MCM3: variants seen among roughly 807,000 people sequenced by gnomAD.
MCM3 encodes the protein minichromosome maintenance complex component 3, also known as DNA replication licensing factor MCM3.
In MCM3, 59 loss-of-function variants were observed where a neutral mutation model predicts 91.3. The ratio of observed to expected loss-of-function variants is 0.65; its 90% confidence interval spans 0.52 to 0.80. The LOEUF is 0.80. Among genes scored for constraint, MCM3 ranks in the 30% least tolerant of loss-of-function variants. The probability of loss-of-function intolerance (pLI) is 0.00; values close to 1 mark genes in which losing one functional copy is unlikely to be tolerated. For synonymous variants in MCM3, 383 were observed against 379.6 expected (o/e 1.01, Z -0.10); for missense variants, 919 against 1,035.4 (o/e 0.89, Z 1.54).
chr6:52,266,546 G>C (rs1764656133), intron 15 of MCM3, 65 bp downstream of exon 15: 1 of 1,421,534 alleles, frequency 7.0e-7, no homozygotes, highest in East Asian at 2.3e-5. Flanking sequence ...AAAGTGCACA[G>C]AGCAACTGGA....
intron 10 of MCM3, 91 bp downstream of exon 10, chr6:52,273,651 A>C (rs1056271459): frequency 2.2e-6 from 3 of 1,365,978 alleles, no homozygotes; most frequent in Non-Finnish European, 3.0e-6. Context: ...CCGGACACTG[A>C]AACACCTACC....
chr6:52,273,701 C>A (rs372207774), intron 10 of MCM3, 41 bp downstream of exon 10: 5 of 1,567,294 alleles, frequency 3.2e-6, no homozygotes, highest in Non-Finnish European at 4.3e-6. Context: ...ATCTGTTTAG[C>A]GCCTTTCCAT....
At position 52,273,333 on chromosome 6, in the gene MCM3, C is replaced by CCACAGCACTACCCAAGGG; in HGVS notation, c.1555_1572dup (p.Pro519_Val524dup). ...TTGGGATCATCTGTGGCCAGGATAT[C>CCACAGCACTACCCAAGGG]CACAGCACTACCCAAGGGCATAGCT... On this transcript the variant is annotated inframe_insertion, in exon 11 of 17. Transcript: ENST00000596288. 1 of 1,614,148 alleles carries CCACAGCACTACCCAAGGG rather than the reference C, an allele frequency of 6.2e-7. No individual in the cohort carries two copies. Among genetic ancestry groups the CCACAGCACTACCCAAGGG allele is most frequent in the Non-Finnish European group, 8.5e-7 (1 of 1,180,030 alleles).
rs754792608 is a variant in MCM3 at position 52,278,830 on chromosome 6, T to G, written c.791A>C (p.Asn264Thr). The stretch of plus-strand genomic sequence containing the variant: ...AGCATCCTTGCTCATCTGCTTAACA[T>G]TACAGGCAATCAGGACAGTCCTGGG... ...GTFRTVLIAC[N>T]VKQMSKDAQP... Residue 264 changes from asparagine (N) to threonine (T), a missense_variant, in exon 6 of 17, where the codon AAT (asparagine) becomes ACT (threonine). Physicochemically the swap from Asn to Thr is moderately conservative, Grantham distance 65 (BLOSUM62 0). Transcript: ENST00000596288. 6.2e-7 allele frequency: 1 copy of G among 1,613,230 alleles called. No individual in the cohort carries two copies. The highest frequency in any genetic ancestry group is 8.5e-7 in the Non-Finnish European group (1 of 1,179,296).
Position 52,284,740 on chromosome 6 carries a change from C to G in MCM3, c.-66G>C. On this transcript the variant is annotated 5_prime_UTR_variant, in exon 1 of 17. Transcript: ENST00000596288. The stretch of plus-strand genomic sequence containing the variant: ...GGTTCCCAGGATGACTCCACCCCGG[C>G]GCGAAAACTTCCGAACTCTTCCCGC... 2.6e-6 allele frequency: 4 copies of G among 1,550,178 alleles called. No homozygotes were observed. Among genetic ancestry groups the G allele is most frequent in the Non-Finnish European group, 3.5e-6 (4 of 1,149,436 alleles).
chr6:52,274,042 G>C, intron 9 of MCM3, 126 bp from the exon 10 acceptor site: 1 of 668,022 alleles, frequency 1.5e-6, no homozygotes, highest in East Asian at 2.7e-5. Context: ...ACAAAAAGCA[G>C]TGAAAAAGGG....
At position 52,282,864 on chromosome 6, in the gene MCM3, G is replaced by A. The variant is rs1467483256; in HGVS notation, c.192-3C>T. On this transcript the variant is annotated splice_polypyrimidine_tract_variant and splice_region_variant and intron_variant, in intron 2 of 16. Coordinates refer to ENST00000596288, the MANE Select transcript of MCM3 (RefSeq NM_002388.6). ...CCTCAAAGGCATTGTTCAGAAGCCT[G>A]TACATAAGCAAGAGAAAGAAAAATT... 3 of 1,612,508 alleles carry A rather than the reference G, an allele frequency of 1.9e-6. No homozygotes were observed. The African/African-American group carries it at 4.0e-5, about 22-fold the overall frequency.
intron 12 of MCM3, among the ~76,000 whole-genome samples, chr6:52,270,924 G>T (rs17240098): frequency 0.041 from 6,243 of 152,216 alleles, 202 homozygotes; most frequent in Middle Eastern, 0.11. Context: ...GTCACTGGGG[G>T]TATTAAGAAG....
Position 52,266,082 on chromosome 6 carries a change from C to T in MCM3, c.2221G>A (p.Glu741Lys). ...AGCAACATCCGTACTCACCTGGATT[C>T]ACTCAACTCCACTTTCTGGGATTCC... ...TKESQKVELSESRLKAFKVAL... is the reference protein window; with the variant it reads ...TKESQKVELSKSRLKAFKVAL... Residue 741 changes from glutamate to lysine, a missense_variant, in exon 16 of 17, where the codon GAA (glutamate) becomes AAA (lysine). Around this residue, in one of 3 missense-constraint regions of MCM3, gnomAD observed 285 missense variants for 311.4 expected, o/e 0.92. Coordinates refer to ENST00000596288, the MANE Select transcript of MCM3 (RefSeq NM_002388.6). 1.9e-6 allele frequency: 3 copies of T among 1,613,946 alleles called. No homozygotes were observed. Among genetic ancestry groups the T allele is most frequent in the Non-Finnish European group, 2.5e-6 (3 of 1,179,806 alleles).
Position 52,264,867 on chromosome 6 carries a change from T to C in MCM3, c.2229-81A>G, listed in dbSNP as rs1443122456. The C allele has an allele frequency of 4.1e-6, 5 of 1,224,082 alleles. No individual in the cohort carries two copies. The Admixed American group carries it at 5.1e-5, about 13-fold the overall frequency. The allele number at this position is 1,224,082 out of a possible 1,614,324, so 75.8% of individuals were successfully genotyped here. A position where few individuals can be genotyped will look rare whatever the true frequency, so the allele number is the denominator to read the frequency against. ...GAAACAGCTATACTAGGAAAATCCA[T>C]AGTATTAATACAGTAGAGGCGTCCC... On this transcript the variant is annotated intron_variant, in intron 16 of 16. Coordinates refer to ENST00000596288, the MANE Select transcript of MCM3 (RefSeq NM_002388.6).
intron 16 of MCM3, among the ~76,000 whole-genome samples, chr6:52,265,674 A>G (rs992588731): frequency 1.3e-5 from 2 of 152,190 alleles, no homozygotes; most frequent in African/African-American, 2.4e-5. Context: ...AACAAAATTC[A>G]TAGATAAAAA....
rs1309529395 is a variant in MCM3 at position 52,264,054 on chromosome 6, A to C, written c.*534T>G. 1.3e-5 allele frequency: 2 copies of C among 157,864 alleles called. No homozygotes were observed. The highest frequency in any genetic ancestry group is 4.8e-5 in the African/African-American group (2 of 41,482). 9.8% of individuals were successfully genotyped at this position (157,864 alleles called of 1,614,324 possible). ...TGGCTAAGTTTATTCAACATCTCGG[A>C]TATTCATCTGGATATTGGGTTTGTT... On this transcript the variant is annotated 3_prime_UTR_variant, in exon 17 of 17. Coordinates refer to ENST00000596288, the MANE Select transcript of MCM3 (RefSeq NM_002388.6).
intron 12 of MCM3, among the ~76,000 whole-genome samples, chr6:52,271,840 T>A (rs1747149206): frequency 6.6e-6 from 1 of 152,162 alleles, no homozygotes; most frequent in East Asian, 1.9e-4. Context: ...TAAAAGAAAT[T>A]AACAGTTTAT....
In MCM3 at chr6:52,282,315, T is replaced by C. The variant is rs1390582611; in HGVS notation, c.401-140A>G. The C allele has an allele frequency of 7.9e-6, 6 of 761,580 alleles. No individual in the cohort carries two copies. In the Admixed American group the frequency reaches 1.1e-4, roughly 14 times the overall value. 47.2% of individuals were successfully genotyped at this position (761,580 alleles called of 1,614,324 possible). The stretch of plus-strand genomic sequence containing the variant: ...TACGATATTTCAATATTACCTTTTA[T>C]TCACTTTTTTATTTATATATAGACC... On this transcript the variant is annotated intron_variant, in intron 3 of 16. Transcript: ENST00000596288.
rs1181026808 is a variant in MCM3, at chr6:52,282,687, G to A, written c.366C>T (p.Ser122=). The A allele has an allele frequency of 2.5e-6, 4 of 1,613,538 alleles. No homozygotes were observed. In the African/African-American group the frequency reaches 5.3e-5, roughly 22 times the overall value. ...SPRTLTSCFL[S]CVVCVEGIVT... Reference sequence around the variant, plus strand: ...CAATGCCCTCCACACAGACCACACAGCTGAGGAAGCAGGAGGTAAGAGTCC... The same window carrying A: ...CAATGCCCTCCACACAGACCACACAACTGAGGAAGCAGGAGGTAAGAGTCC... The change falls in exon 3 of 17, where the codon AGC becomes AGT. Residue 122 remains serine, a synonymous_variant. Coordinates refer to ENST00000596288, the MANE Select transcript of MCM3 (RefSeq NM_002388.6).
chr6:52,268,024 C>A (rs760847829), intron 13 of MCM3, 56 bp from the exon 14 acceptor site: 1 of 1,612,844 alleles, frequency 6.2e-7, no homozygotes, highest in East Asian at 2.2e-5. Context: ...AGGGGAACTG[C>A]ATCAAGAACT....
chr6:52,278,540 G>T (rs978620324), intron 6 of MCM3, among the ~76,000 whole-genome samples: 1 of 151,004 alleles, frequency 6.6e-6, no homozygotes, highest in Non-Finnish European at 1.5e-5. Flanking sequence ...CAGGTAGCAG[G>T]TATTAAAATT....
intron 15 of MCM3, 140 bp downstream of exon 15, chr6:52,266,471 G>A (rs1581703531): frequency 2.6e-6 from 2 of 767,326 alleles, no homozygotes; most frequent in Non-Finnish European, 4.4e-6. Flanking sequence ...AAGCTCTCTT[G>A]GGACAAACCT....
Position 52,264,437 on chromosome 6 carries a change from G to A in MCM3, c.*151C>T. On this transcript the variant is annotated 3_prime_UTR_variant, in exon 17 of 17. Coordinates refer to ENST00000596288, the MANE Select transcript of MCM3 (RefSeq NM_002388.6). The stretch of plus-strand genomic sequence containing the variant: ...GACCCATTCCCAAAGGGTCCACCGA[G>A]TCCTGAACTCAGCTTCATCACCAAC... 1.3e-6 allele frequency: 1 copy of A among 796,184 alleles called. No individual in the cohort carries two copies. The highest frequency in any genetic ancestry group is 1.7e-5 in the South Asian group (1 of 58,528). 49.3% of individuals were successfully genotyped at this position (796,184 alleles called of 1,614,324 possible).
Sources: gnomAD v4.1 joint callset for allele counts (sites outside exome capture counted in the v4.1 genomes callset) on GRCh38, gnomAD v4.1.1 for gene constraint, gnomAD v4.1.1 regional missense constraint, MANE v1.5 for transcripts, NCBI Gene and HGNC (gene_info 2026-07-23, HGNC 2026-07-21) for gene names.